The following NAV2 variants were observed in gnomAD, a reference collection of about 807,000 sequenced individuals.
NAV2 encodes helicase, APC down-regulated 1.
A neutral mutation model predicts 223.2 loss-of-function variants in NAV2; 54 were observed. That is an observed-to-expected ratio of 0.24 (90% CI 0.19 to 0.30). The LOEUF is 0.30. NAV2 is among the 10% of genes least tolerant of loss of function. NAV2 has a pLI of 1.00. For missense variants in NAV2, 2,806 were observed against 3,147.5 expected (o/e 0.89, Z 2.60); for synonymous variants, 1,279 against 1,239.3 (o/e 1.03, Z -0.67).
At chr11:20,101,681 G>T (rs960652488) in intron 32 of NAV2, among the ~76,000 whole-genome samples, 2 of 152,204 alleles carry the variant, frequency 1.3e-5, no homozygotes. Context: ...AGACCACTCA[G>T]ATGGTACTAA....
At chr11:20,068,783 G>A (rs570958736) in intron 22 of NAV2, among the ~76,000 whole-genome samples, 16 of 152,276 alleles carry the variant, frequency 1.1e-4, no homozygotes, top group South Asian at 2.1e-4. Flanking sequence ...AAGAAATGTA[G>A]GGCTTTTCAA....
intron 1 of NAV2, among the ~76,000 whole-genome samples, chr11:19,449,507 T>C (rs1392863580): frequency 6.6e-6 from 1 of 151,940 alleles, no homozygotes; most frequent in Non-Finnish European, 1.5e-5. Flanking sequence ...AAAGCACTTC[T>C]ATACTAAGCC....
chr11:19,874,202 A>T (rs1366361342), intron 4 of NAV2, among the ~76,000 whole-genome samples: 1 of 152,232 alleles, frequency 6.6e-6, no homozygotes, highest in East Asian at 1.9e-4. Flanking sequence ...ATCTATGCAG[A>T]TTAGGACCAG....
chr11:19,944,513 C>T (rs2046681389), intron 8 of NAV2, among the ~76,000 whole-genome samples: 2 of 149,482 alleles, frequency 1.3e-5, no homozygotes, highest in Admixed American at 1.3e-4. Context: ...TTTCCCCTTT[C>T]CCCTTTCCTT....
intron 1 of NAV2, among the ~76,000 whole-genome samples, chr11:19,688,380 C>G (rs1391616666): frequency 6.6e-6 from 1 of 152,168 alleles, no homozygotes; most frequent in Admixed American, 6.5e-5. Context: ...GAATGTTCAT[C>G]CCCTAACCCC....
chr11:19,522,857 C>T (rs1166625233), intron 1 of NAV2, among the ~76,000 whole-genome samples: 1 of 152,228 alleles, frequency 6.6e-6, no homozygotes, highest in Non-Finnish European at 1.5e-5. Context: ...GGCATGGCTG[C>T]CTAGAGCTCA....
intron 1 of NAV2, among the ~76,000 whole-genome samples, chr11:19,500,480 G>A (rs1487689591): frequency 2.0e-5 from 3 of 152,206 alleles, no homozygotes; most frequent in African/African-American, 7.2e-5. Context: ...CCAGGATAGA[G>A]CTTGAAAAGT....
At chr11:19,555,012 C>CTAAAAA (rs2044828258) in intron 1 of NAV2, among the ~76,000 whole-genome samples, 1 of 141,554 alleles carries the variant, frequency 7.1e-6, no homozygotes, top group African/African-American at 2.7e-5. Flanking sequence ...CCATGTTTTG[C>CTAAAAA]AAAAAAAAAA....
intron 1 of NAV2, among the ~76,000 whole-genome samples, chr11:19,568,844 G>A (rs2045345957): frequency 6.6e-6 from 1 of 152,196 alleles, no homozygotes; most frequent in African/African-American, 2.4e-5. Context: ...AATCTAAGTG[G>A]ATCTGATTAG....
intron 1 of NAV2, among the ~76,000 whole-genome samples, chr11:19,447,988 G>A (rs963588467): frequency 6.6e-6 from 1 of 152,144 alleles, no homozygotes; most frequent in South Asian, 2.1e-4. Flanking sequence ...ACGCACCCTG[G>A]TTTAGCTTGA....
chr11:19,826,560 C>G (rs1324220840), intron 1 of NAV2, among the ~76,000 whole-genome samples: 1 of 152,114 alleles, frequency 6.6e-6, no homozygotes, highest in Non-Finnish European at 1.5e-5. Context: ...GGAGATGGGG[C>G]TGAATTTATG....
At chr11:19,652,151 T>C (rs757935402) in intron 1 of NAV2, among the ~76,000 whole-genome samples, 12 of 152,166 alleles carry the variant, frequency 7.9e-5, no homozygotes, top group Non-Finnish European at 1.5e-4. Context: ...AAAATGCCAC[T>C]TGTCCCCCTA....
intron 1 of NAV2, among the ~76,000 whole-genome samples, chr11:19,649,836 G>T (rs1227730427): frequency 3.3e-5 from 5 of 152,170 alleles, no homozygotes; most frequent in Admixed American, 1.3e-4. Context: ...CACATGAAAA[G>T]ACCCTCAGTA....
In NAV2 at chr11:20,121,187, A is replaced by G. The variant is rs555521322; in HGVS notation, c.*2929A>G. Reference sequence around the variant, plus strand: ...TTGTGGCGAATCTACTTCAAAAAGGAAAAATAATCCAACTTTGTGGATATT... The same window carrying G: ...TTGTGGCGAATCTACTTCAAAAAGGGAAAATAATCCAACTTTGTGGATATT... On this transcript the variant is annotated 3_prime_UTR_variant, in exon 38 of 38. Coordinates refer to ENST00000349880, the MANE Select transcript of NAV2 (RefSeq NM_145117.5). The G allele has an allele frequency of 1.3e-5, 2 of 152,786 alleles. No homozygotes were observed. Among genetic ancestry groups the G allele is most frequent in the Admixed American group, 1.3e-4 (2 of 15,308 alleles). The allele number at this position is 152,786 out of a possible 1,614,324, so 9.5% of individuals were successfully genotyped here. A position where few individuals can be genotyped will look rare whatever the true frequency, so the allele number is the denominator to read the frequency against.
chr11:19,345,386 GT>G, the NAV2 span, among the ~76,000 whole-genome samples: 1 of 152,232 alleles, frequency 6.6e-6, no homozygotes, highest in Admixed American at 6.5e-5. This position sits in a 1 kb window ranked among gnomAD's most constrained non-coding sequence, Gnocchi z 5.2. Flanking sequence ...GCCTGGGAAA[GT>G]TTGCGGTGCA....
intron 11 of NAV2, among the ~76,000 whole-genome samples, chr11:20,003,536 C>T (rs1208454297): frequency 6.6e-6 from 1 of 152,150 alleles, no homozygotes; most frequent in African/African-American, 2.4e-5. Flanking sequence ...ACTCAGCGTG[C>T]CAGGTGTGGG....
At chr11:19,643,664 C>T (rs2047730809) in intron 1 of NAV2, among the ~76,000 whole-genome samples, 1 of 152,038 alleles carries the variant, frequency 6.6e-6, no homozygotes, top group African/African-American at 2.4e-5. Context: ...TTTTATAATC[C>T]TTTGGATATA....
rs1848462297 is a variant in NAV2 at position 19,371,334 on chromosome 11, C to T, written c.75+20307C>T. 2.6e-5 allele frequency among the ~76,000 whole-genome samples: 4 copies of T among 152,152 alleles called. No homozygotes were observed. The South Asian group carries it at 8.3e-4, about 32-fold the overall frequency. ...AATCCTTACCATTGGAGGCCAGAGTCTGCATTCTGAATCACCATGTTCTTC... is the reference window on the plus strand; with the variant it reads ...AATCCTTACCATTGGAGGCCAGAGTTTGCATTCTGAATCACCATGTTCTTC... On this transcript the variant is annotated intron_variant, in intron 1 of 37. Coordinates refer to the NAV2 transcript ENST00000360655.
At chr11:19,367,064 A>G (rs1218782712) in intron 1 of NAV2, among the ~76,000 whole-genome samples, 1 of 152,206 alleles carries the variant, frequency 6.6e-6, no homozygotes, top group African/African-American at 2.4e-5. Context: ...CAGAATTGTC[A>G]TGACAAGGGT....
Sources: allele counts gnomAD v4.1 joint callset (sites outside exome capture counted in the v4.1 genomes callset), GRCh38; gene constraint gnomAD v4.1.1; non-coding constraint Gnocchi (gnomAD v3.1); transcripts MANE v1.5; gene names NCBI Gene and HGNC (gene_info 2026-07-23, HGNC 2026-07-21).